The following KDM5B variants were observed in gnomAD, a reference collection of about 807,000 sequenced individuals.
The protein encoded by KDM5B is lysine-specific demethylase 5B.
In KDM5B, 144 loss-of-function variants were observed where a neutral mutation model predicts 193.4. The observed-to-expected ratio is 0.74, with a 90% CI of 0.65 to 0.86. KDM5B has a LOEUF of 0.86. Among genes scored for constraint, KDM5B ranks in the 40% least tolerant of loss-of-function variants. The pLI is 0.00. For missense variants in KDM5B, 1,833 were observed against 1,886.9 expected (o/e 0.97, Z 0.53); for synonymous variants, 668 against 682.6 (o/e 0.98, Z 0.33).
intron 1 of KDM5B, among the ~76,000 whole-genome samples, 182 bp downstream of exon 1, chr1:202,807,920 C>T (rs1055809633): frequency 1.3e-5 from 2 of 151,960 alleles, no homozygotes; most frequent in Non-Finnish European, 2.9e-5. Context: ...CATCTCCCAC[C>T]CTGGAGAAGC....
rs1211280628 is a variant in KDM5B, at chr1:202,741,468, C to T, written c.2844G>A (p.Leu948=). 1.9e-6 allele frequency: 3 copies of T among 1,613,894 alleles called. No homozygotes were observed. The South Asian group carries it at 3.3e-5, about 18-fold the overall frequency. The part of the protein sequence containing the change: ...MRRLIDLGVG[L]APYSAVEKAM... The stretch of plus-strand genomic sequence containing the variant: ...CTTTCTCCACTGCTGAATACGGGGC[C>T]AGCCCTACCCCTAGGTCTATGAGAC... The change falls in exon 19 of 27, where the codon CTG becomes CTA. Residue 948 remains leucine (L), a synonymous_variant. Transcript: ENST00000367265.
At chr1:202,742,584 G>A in intron 17 of KDM5B, 71 bp downstream of exon 17, 5 of 1,604,540 alleles carry the variant, frequency 3.1e-6, no homozygotes, top group Non-Finnish European at 3.4e-6. Context: ...AGAAATTCAA[G>A]ACAGGAGTCA....
At chr1:202,802,051 G>GA (rs1055389167) in intron 1 of KDM5B, among the ~76,000 whole-genome samples, 32 of 149,590 alleles carry the variant, frequency 2.1e-4, no homozygotes, top group Non-Finnish European at 2.4e-4. Flanking sequence ...TTCTCTTAGA[G>GA]AAAAAAAAAT....
intron 2 of KDM5B, 86 bp from the exon 3 acceptor site, chr1:202,774,821 T>G: frequency 7.5e-7 from 1 of 1,328,600 alleles, no homozygotes; most frequent in East Asian, 2.3e-5. Context: ...CACAGAATAT[T>G]TAAGTACAAT....
At chr1:202,730,544 T>G (rs532225219) in intron 25 of KDM5B, among the ~76,000 whole-genome samples, 8 of 152,124 alleles carry the variant, frequency 5.3e-5, no homozygotes, top group Non-Finnish European at 1.2e-4. Context: ...CAAATGAAAT[T>G]TGCCATGAAA....
At position 202,725,267 on chromosome 1, in the gene KDM5B, C is replaced by G. The variant is rs1654636039; in HGVS notation, c.*3769G>C. ...AATATTGAAACATGAAAAACTTGTT[C>G]ACATAAATTTGAAGGGAGAAGTGAA... On this transcript the variant is annotated 3_prime_UTR_variant, in exon 27 of 27. Transcript: ENST00000367265. The G allele has an allele frequency of 6.6e-6, 1 of 152,210 alleles. No individual in the cohort carries two copies. Among genetic ancestry groups the G allele is most frequent in the Admixed American group, 6.5e-5 (1 of 15,280 alleles). The allele number at this position is 152,210 out of a possible 1,614,324, so 9.4% of individuals were successfully genotyped here. A position where few individuals can be genotyped will look rare whatever the true frequency, so the allele number is the denominator to read the frequency against.
chr1:202,794,372 G>A (rs1021433330), intron 1 of KDM5B, among the ~76,000 whole-genome samples: 7 of 152,208 alleles, frequency 4.6e-5, no homozygotes, highest in African/African-American at 7.2e-5. Context: ...TCTGTAGCCT[G>A]TAGTATGTAT....
At chr1:202,785,790 G>C (rs1318557574) in intron 1 of KDM5B, among the ~76,000 whole-genome samples, 2 of 151,820 alleles carry the variant, frequency 1.3e-5, no homozygotes, top group Non-Finnish European at 2.9e-5. Flanking sequence ...CACACCTGTA[G>C]TCTCAGCTAC....
intron 1 of KDM5B, among the ~76,000 whole-genome samples, chr1:202,778,442 T>A (rs1028413784): frequency 6.6e-6 from 1 of 152,034 alleles, no homozygotes; most frequent in African/African-American, 2.4e-5. Flanking sequence ...GGTCTGGAGG[T>A]AGACAATGGT....
intron 1 of KDM5B, among the ~76,000 whole-genome samples, chr1:202,804,738 G>A (rs560908472): frequency 5.3e-5 from 8 of 151,934 alleles, no homozygotes; most frequent in Non-Finnish European, 8.8e-5. Context: ...GGCCCGGCAC[G>A]GTGGCTCACG....
At chr1:202,755,601 T>G in intron 10 of KDM5B, 149 bp from the exon 11 acceptor site, 1 of 632,916 alleles carries the variant, frequency 1.6e-6, no homozygotes, top group Non-Finnish European at 2.7e-6. Flanking sequence ...TGCCCAGAGA[T>G]TCGTTTTGCC....
At chr1:202,746,096 G>A (rs1165618129) in intron 15 of KDM5B, 46 bp downstream of exon 15, 1 of 1,561,242 alleles carries the variant, frequency 6.4e-7, no homozygotes, top group African/African-American at 1.4e-5. Flanking sequence ...CTTTTAGTAA[G>A]GATCAACTGT....
chr1:202,738,725 T>A (rs934175528), intron 20 of KDM5B, among the ~76,000 whole-genome samples: 4 of 152,186 alleles, frequency 2.6e-5, no homozygotes, highest in African/African-American at 4.8e-5. Flanking sequence ...TAACACCTAT[T>A]GGTTTATGAT....
intron 13 of KDM5B, among the ~76,000 whole-genome samples, chr1:202,749,964 T>A (rs1655727241): frequency 6.6e-6 from 1 of 152,248 alleles, no homozygotes; most frequent in Non-Finnish European, 1.5e-5. Context: ...TTACAACTAA[T>A]GAAACCAAAT....
In KDM5B at chr1:202,728,364, T is replaced by C. The variant is rs971263107; in HGVS notation, c.*672A>G. The stretch of plus-strand genomic sequence containing the variant: ...TACATCACTAGTTCATCAGTGACAC[T>C]AGAAACTAGACATTTGTGTTCTGTA... On this transcript the variant is annotated 3_prime_UTR_variant, in exon 27 of 27. Transcript: ENST00000367265. 3 of 152,688 alleles carry C rather than the reference T, an allele frequency of 2.0e-5. No homozygotes were observed. Among genetic ancestry groups the C allele is most frequent in the African/African-American group, 7.2e-5 (3 of 41,472 alleles). The allele number at this position is 152,688 out of a possible 1,614,324, so 9.5% of individuals were successfully genotyped here.
At chr1:202,777,837 C>G (rs1657023956) in intron 1 of KDM5B, among the ~76,000 whole-genome samples, 1 of 152,056 alleles carries the variant, frequency 6.6e-6, no homozygotes, top group African/African-American at 2.4e-5. Flanking sequence ...GTAAATTCTA[C>G]AGTGGTGTCA....
Position 202,742,402 on chromosome 1 carries a change from G to A in KDM5B, c.2578C>T (p.Pro860Ser), listed in dbSNP as rs1025144034. ...YALPCVLSQT[P>S]LLKDLLNRVE... is the part of the protein sequence containing the mutation. ...CCCTCTATGGTTACCTTTAGTAATG[G>A]TGTCTGACTGAGGACACATGGAAGA... Residue 860 changes from proline to serine, a missense_variant, in exon 18 of 27, where the codon CCA becomes TCA. This residue lies in a region of KDM5B where 1,379 missense variants were observed against 1,349.6 expected (regional missense o/e 1.02). Coordinates refer to ENST00000367265, the MANE Select transcript of KDM5B (RefSeq NM_006618.5). 9 of 1,611,460 alleles carry A rather than the reference G, an allele frequency of 5.6e-6. No individual in the cohort carries two copies. The Admixed American group carries it at 6.7e-5, about 12-fold the overall frequency.
chr1:202,729,635 G>A (rs906491025), intron 26 of KDM5B, 72 bp downstream of exon 26: 17 of 1,303,710 alleles, frequency 1.3e-5, no homozygotes, highest in Admixed American at 4.3e-5. Flanking sequence ...AAGACCCAGC[G>A]AGATGAGGTC....
At chr1:202,745,076 CTTA>C (rs955707809) in intron 16 of KDM5B, among the ~76,000 whole-genome samples, 15 of 152,272 alleles carry the variant, frequency 9.9e-5, no homozygotes, top group Non-Finnish European at 1.6e-4. Context: ...CATATTCTCA[CTTA>C]TTAAGTGGGA....
Sources: allele counts gnomAD v4.1 joint callset (sites outside exome capture counted in the v4.1 genomes callset), GRCh38; gene constraint gnomAD v4.1.1; regional missense constraint gnomAD v4.1.1; transcripts MANE v1.5; gene names NCBI Gene and HGNC (gene_info 2026-07-23, HGNC 2026-07-21).